The following LRRK1 variants were observed in gnomAD, a reference collection of about 807,000 sequenced individuals.
LRRK1 encodes leucine rich repeat kinase 1.
Under a neutral mutation model 209.1 loss-of-function variants are expected in LRRK1, and 113 were observed. That is an observed-to-expected ratio of 0.54 (90% confidence interval 0.46 to 0.63). The LOEUF (loss-of-function observed/expected upper bound fraction) is 0.63. Among genes scored for constraint, LRRK1 ranks in the 30% least tolerant of loss-of-function variants. The pLI is 0.00. For missense variants in LRRK1, 2,284 were observed against 2,632.2 expected, an observed-to-expected ratio of 0.87 and a Z score of 2.89; for synonymous variants, 1,144 against 1,099.7, an observed-to-expected ratio of 1.04 and a Z score of -0.80.
chr15:101,049,501 G>C lies in LRRK1; in HGVS notation c.3300-143G>C, dbSNP rs79443212. The stretch of plus-strand genomic sequence containing the variant: ...CAGGGCCACGCACACGTACATACAG[G>C]GAGGAGTCCCCCATCGGTCCTGCAG... On this transcript the variant is annotated intron_variant, in intron 22 of 33. Coordinates refer to ENST00000388948, the MANE Select transcript of LRRK1 (RefSeq NM_024652.6). 4,272 of 885,958 alleles carry C rather than the reference G, an allele frequency of 4.8e-3. 144 individuals are homozygous for C. In the East Asian group the frequency reaches 0.074, roughly 15 times the overall value. The allele number at this position is 885,958 out of a possible 1,614,324, so 54.9% of individuals were successfully genotyped here.
At chr15:101,032,829 A>C (rs916764661) in intron 20 of LRRK1, among the ~76,000 whole-genome samples, 1 of 152,110 alleles carries the variant, frequency 6.6e-6, no homozygotes, top group Non-Finnish European at 1.5e-5. Flanking sequence ...TCAGGACTCT[A>C]TTTTGTTCCA....
intron 2 of LRRK1, among the ~76,000 whole-genome samples, chr15:100,933,075 C>A (rs1399050332): frequency 1.3e-5 from 2 of 152,170 alleles, no homozygotes; most frequent in African/African-American, 4.8e-5. Flanking sequence ...CAAGAAAATG[C>A]CTAAGAAAGG....
intron 2 of LRRK1, among the ~76,000 whole-genome samples, chr15:100,964,583 A>G (rs1209505263): frequency 6.6e-6 from 1 of 152,224 alleles, no homozygotes; most frequent in East Asian, 1.9e-4. Context: ...TTGTTCTGCA[A>G]TGAGCTGTGG....
At chr15:101,049,521 C>A in intron 22 of LRRK1, 123 bp from the exon 23 acceptor site, 1 of 1,147,108 alleles carries the variant, frequency 8.7e-7, no homozygotes, top group Non-Finnish European at 1.2e-6. Context: ...CCCATCGGTC[C>A]TGCAGGGCAC....
Position 101,000,963 on chromosome 15 carries a change from C to T in LRRK1, c.763-7874C>T, listed in dbSNP as rs184951926. ...TGGGCCACCTTAGATGCCAGGTAGA[C>T]GGCCAGTCAAGGTACAGTGTCCTCA... is the stretch of plus-strand genomic sequence containing the variant. On this transcript the variant is annotated intron_variant, in intron 6 of 33. Transcript: ENST00000388948. Among the ~76,000 whole-genome samples, 24 of 152,288 alleles carry T rather than the reference C, an allele frequency of 1.6e-4. No homozygotes were observed. In the East Asian group the frequency reaches 2.3e-3, roughly 15 times the overall value.
chr15:101,057,001 G>C lies in LRRK1; in HGVS notation c.4478G>C (p.Arg1493Pro), dbSNP rs367806940. Residue 1493 changes from arginine to proline, a missense_variant, in exon 28 of 34, where the codon CGG becomes CCG. By Grantham distance (103) the Arg-to-Pro change is moderately radical. This residue lies in a region of LRRK1 where 643 missense variants were observed against 695.9 expected (regional missense o/e 0.92). Coordinates refer to ENST00000388948, the MANE Select transcript of LRRK1 (RefSeq NM_024652.6). ...GGGCAGCCGGAGGAAGTGCAGTTCC[G>C]GCGACTGCAGGCGCTCATGATGGAG... ...VLGQPEEVQF[R>P]RLQALMMECW... is the part of the protein sequence containing the mutation. 3 of 1,613,580 alleles carry C rather than the reference G, an allele frequency of 1.9e-6. No individual in the cohort carries two copies. The highest frequency in any genetic ancestry group is 2.5e-6 in the Non-Finnish European group (3 of 1,179,808).
In LRRK1 at chr15:101,027,823, G is replaced by C; in HGVS notation, c.2686+26G>C. Reference sequence around the variant, plus strand: ...GTGGGTGGGGCTGGGGTAGGTGGCAGGGTGCCCGTGAGAAATGGAACTGTC... The same window carrying C: ...GTGGGTGGGGCTGGGGTAGGTGGCACGGTGCCCGTGAGAAATGGAACTGTC... On this transcript the variant is annotated intron_variant, in intron 19 of 33. Transcript: ENST00000388948. This position sits in a 1 kb window ranked among gnomAD's most constrained non-coding sequence, Gnocchi z 5.1. The C allele has an allele frequency of 3.2e-6, 5 of 1,542,160 alleles. No individual in the cohort carries two copies. Among genetic ancestry groups the C allele is most frequent in the Non-Finnish European group, 4.4e-6 (5 of 1,140,592 alleles).
rs1339010432 is a variant in LRRK1 at position 100,987,932 on chromosome 15, AT to A, written c.434-699del. On this transcript the variant is annotated intron_variant, in intron 4 of 33. Transcript: ENST00000388948. ...TGCTGGGGTAGTTGTTTCTAGTCTTATTTCCACACACCCATTTTTTATTTGG... is the reference window on the plus strand; with the variant it reads ...TGCTGGGGTAGTTGTTTCTAGTCTTATTCCACACACCCATTTTTTATTTGG... 2.6e-5 allele frequency among the ~76,000 whole-genome samples: 4 copies of A among 152,288 alleles called. No individual in the cohort carries two copies. The East Asian group carries it at 7.7e-4, about 29-fold the overall frequency.
At position 101,066,737 on chromosome 15, in the gene LRRK1, C is replaced by T; in HGVS notation, c.5866C>T (p.His1956Tyr). The change falls in exon 33 of 34, where the codon CAT (histidine) becomes TAT (tyrosine). Residue 1956 changes from histidine to tyrosine, a missense_variant. Transcript: ENST00000388948. ...CTTAAAAGCCCGAGAGCTGACTCCG[C>T]ATGGGTAAGACTGAGTGGCAGCTCC... ...AVLKARELTP[H>Y]GVLVDAAVVA... 1 of 1,613,352 alleles carries T rather than the reference C, an allele frequency of 6.2e-7. No homozygotes were observed. The highest frequency in any genetic ancestry group is 1.3e-5 in the African/African-American group (1 of 75,054).
At position 101,068,731 on chromosome 15, in the gene LRRK1, A is replaced by G. The variant is rs1405148705; in HGVS notation, c.5931A>G (p.Glu1977=). Residue 1977 remains glutamate, a synonymous_variant, in exon 34 of 34, where the codon GAA becomes GAG. Transcript: ENST00000388948. ...KDTVVCTFEN[E]NTEWCLAVWR... is the part of the protein sequence containing the mutation. ...CTGTTGTGTGCACCTTTGAAAATGA[A>G]AACACAGAGTGGTGCCTGGCCGTCT... The G allele has an allele frequency of 6.2e-7, 1 of 1,613,756 alleles. No homozygotes were observed. Among genetic ancestry groups the G allele is most frequent in the Non-Finnish European group, 8.5e-7 (1 of 1,179,776 alleles).
At chr15:100,925,573 A>C (rs1210965144) in intron 2 of LRRK1, among the ~76,000 whole-genome samples, 1 of 152,218 alleles carries the variant, frequency 6.6e-6, no homozygotes, top group Non-Finnish European at 1.5e-5. Flanking sequence ...GGTCTTGAAC[A>C]TCGTTAAGCT....
chr15:101,064,148 G>A (rs1319010382), intron 31 of LRRK1, among the ~76,000 whole-genome samples: 1 of 152,278 alleles, frequency 6.6e-6, no homozygotes, highest in African/African-American at 2.4e-5. Flanking sequence ...AGCCAGGACT[G>A]CAGATAGAGA....
intron 2 of LRRK1, among the ~76,000 whole-genome samples, chr15:100,971,967 AT>A (rs35045867): frequency 2.4e-4 from 35 of 147,326 alleles, no homozygotes; most frequent in Admixed American, 3.4e-4. Flanking sequence ...TGACAAAAGA[AT>A]TTTTTTTTTT....
At chr15:100,972,750 C>T (rs1028469937) in intron 2 of LRRK1, among the ~76,000 whole-genome samples, 1 of 152,160 alleles carries the variant, frequency 6.6e-6, no homozygotes, top group Non-Finnish European at 1.5e-5. Flanking sequence ...TCACCTTTCA[C>T]AACAGTATTC....
At chr15:100,951,955 GA>G (rs550237148) in intron 2 of LRRK1, among the ~76,000 whole-genome samples, 493 of 135,212 alleles carry the variant, frequency 3.6e-3, no homozygotes, top group Middle Eastern at 0.012. Flanking sequence ...CTCCATCTCA[GA>G]AAAAAAAAAA....
rs770068206 is a variant in LRRK1 at position 101,046,090 on chromosome 15, G to A, written c.3073G>A (p.Val1025Ile). Residue 1025 changes from valine (V) to isoleucine (I), a missense_variant, in exon 21 of 34, where the codon GTT (valine) becomes ATT (isoleucine). Val to Ile is a conservative substitution (Grantham distance 29). Around this residue, in one of 6 missense-constraint regions of LRRK1, gnomAD observed 780 missense variants for 985.2 expected, o/e 0.79. Transcript: ENST00000388948. ...QRVFKMSFVPVGFWQRFIARM... is the reference protein window; with the variant it reads ...QRVFKMSFVPIGFWQRFIARM... ...GGTATTTAAGATGAGCTTCGTTCCC[G>A]TTGGCTTCTGGCAAAGGTTTATAGC... 1.4e-5 allele frequency: 22 copies of A among 1,614,116 alleles called. No individual in the cohort carries two copies. The highest frequency in any genetic ancestry group is 4.4e-5 in the South Asian group (4 of 91,086).
chr15:100,973,197 T>C (rs865873685), intron 2 of LRRK1, among the ~76,000 whole-genome samples: 1 of 152,040 alleles, frequency 6.6e-6, no homozygotes, highest in Non-Finnish European at 1.5e-5. Flanking sequence ...TCCTCCCGAG[T>C]GGCAGCAGGT....
intron 12 of LRRK1, among the ~76,000 whole-genome samples, chr15:101,017,393 A>T (rs541619847): frequency 6.6e-6 from 1 of 152,328 alleles, no homozygotes; most frequent in South Asian, 2.1e-4. Context: ...TGGACCAGAT[A>T]AAAGAGTCCA....
rs190489500 is a variant in LRRK1, at chr15:101,003,680, T to C, written c.763-5157T>C. Among the ~76,000 whole-genome samples, 5 of 152,320 alleles carry C rather than the reference T, an allele frequency of 3.3e-5. No individual in the cohort carries two copies. The East Asian group carries it at 7.7e-4, about 24-fold the overall frequency. On this transcript the variant is annotated intron_variant, in intron 6 of 33. Coordinates refer to ENST00000388948, the MANE Select transcript of LRRK1 (RefSeq NM_024652.6). ...GAACAGTATGGGGGAAACCGCCCCA[T>C]GATTTAATTATCTTCCACCAGGTGC...
Sources: gnomAD v4.1 joint callset for allele counts (sites outside exome capture counted in the v4.1 genomes callset) on GRCh38, gnomAD v4.1.1 for gene constraint, gnomAD v4.1.1 regional missense constraint, Gnocchi (gnomAD v3.1) non-coding constraint, MANE v1.5 for transcripts, NCBI Gene and HGNC (gene_info 2026-07-23, HGNC 2026-07-21) for gene names.